NDRG4: variants seen among roughly 807,000 people sequenced by gnomAD.
The protein encoded by NDRG4 is NDRG family member 4.
Under a neutral mutation model 55.8 loss-of-function variants are expected in NDRG4, and 38 were observed. The ratio of observed to expected loss-of-function variants is 0.68; its 90% CI spans 0.53 to 0.89. The LOEUF (loss-of-function observed/expected upper bound fraction) is 0.89, where lower values mean the gene tolerates loss of function less well. NDRG4 is among the 40% of genes least tolerant of loss of function. NDRG4 has a pLI of 0.00. For synonymous variants in NDRG4, 190 were observed against 182.7 expected (o/e 1.04, Z -0.32); for missense variants, 455 against 468.6 (o/e 0.97, Z 0.27).
chr16:58,506,204 T>A, intron 5 of NDRG4, 183 bp from the exon 6 acceptor site: 4 of 661,406 alleles, frequency 6.0e-6, no homozygotes, highest in Non-Finnish European at 8.3e-6. Flanking sequence ...TCTAAATAAA[T>A]CCAAGAACTG....
chr16:58,469,821 C>T (rs1462867655), intron 1 of NDRG4, among the ~76,000 whole-genome samples: 3 of 152,150 alleles, frequency 2.0e-5, no homozygotes, highest in African/African-American at 7.2e-5. Context: ...CATAACAGCC[C>T]TAGGAGGTAT....
At chr16:58,494,599 C>T (rs1306322753) in intron 2 of NDRG4, among the ~76,000 whole-genome samples, 1 of 152,198 alleles carries the variant, frequency 6.6e-6, no homozygotes, top group African/African-American at 2.4e-5. Context: ...GACGCTCACA[C>T]GCTCCTCCAC....
chr16:58,499,249 C>G (rs565989123), upstream of NDRG4: 7 of 152,346 alleles, frequency 4.6e-5, no homozygotes, highest in Non-Finnish European at 8.8e-5. Flanking sequence ...GAGCCAAGCC[C>G]CAAACTGGTT....
intron 1 of NDRG4, among the ~76,000 whole-genome samples, chr16:58,482,993 C>A (rs1274806510): frequency 6.6e-6 from 1 of 152,058 alleles, no homozygotes; most frequent in Non-Finnish European, 1.5e-5. Context: ...GCCATGTTGG[C>A]CAGGCTGGTC....
At chr16:58,500,509 T>A in intron 1 of NDRG4, 3 of 289,244 alleles carry the variant, frequency 1.0e-5, no homozygotes, top group Admixed American at 5.1e-5. Flanking sequence ...GGGGGGAGCG[T>A]GTGGTTGGGG....
intron 1 of NDRG4, among the ~76,000 whole-genome samples, chr16:58,469,765 T>G (rs984901663): frequency 2.0e-5 from 3 of 152,218 alleles, no homozygotes; most frequent in African/African-American, 4.8e-5. Context: ...GCATTTGCTG[T>G]GCGCCAGACA....
At position 58,504,260 on chromosome 16, in the gene NDRG4, G is replaced by A. The variant is rs374032396; in HGVS notation, c.234G>A (p.Ser78=). Residue 78 remains serine (S), a synonymous_variant, in exon 3 of 15, where the codon TCG becomes TCA. Coordinates refer to ENST00000570248, the MANE Select transcript of NDRG4 (RefSeq NM_001242835.2). ...CCCCTGGACAACAGGTGGGGGCGTCGCAGTTTCCTCAGGGGTAGGTACCCT... is the reference window on the plus strand; with the variant it reads ...CCCCTGGACAACAGGTGGGGGCGTCACAGTTTCCTCAGGGGTAGGTACCCT... ...VDAPGQQVGA[S]QFPQGYQFPS... The A allele has an allele frequency of 8.1e-5, 131 of 1,614,120 alleles. No individual in the cohort carries two copies. Among genetic ancestry groups the A allele is most frequent in the South Asian group, 2.3e-4 (21 of 91,084 alleles).
rs1241172339 is a variant in NDRG4 at position 58,464,280 on chromosome 16, G to C, written c.-24+483G>C. On this transcript the variant is annotated intron_variant, in intron 1 of 15. Transcript: ENST00000258187. This position sits in a 1 kb window ranked among gnomAD's most constrained non-coding sequence, Gnocchi z 4.8. Reference sequence around the variant, plus strand: ...AGGGGGGAGCGCGGCGTTGGGGGCGGGAGAGCGCTCCTGGCTGTGAGCTGC... The same window carrying C: ...AGGGGGGAGCGCGGCGTTGGGGGCGCGAGAGCGCTCCTGGCTGTGAGCTGC... 13 of 543,442 alleles carry C rather than the reference G, an allele frequency of 2.4e-5. No individual in the cohort carries two copies. The highest frequency in any genetic ancestry group is 3.4e-5 in the Non-Finnish European group (12 of 350,144). 33.7% of individuals were successfully genotyped at this position (543,442 alleles called of 1,614,324 possible).
At position 58,511,494 on chromosome 16, in the gene NDRG4, G is replaced by T. The variant is rs750154800; in HGVS notation, c.977G>T (p.Gly326Val). 1.9e-6 allele frequency: 3 copies of T among 1,612,906 alleles called. No individual in the cohort carries two copies. Among genetic ancestry groups the T allele is most frequent in the Non-Finnish European group, 2.5e-6 (3 of 1,179,938 alleles). The change falls in exon 15 of 15, where the codon GGC (glycine) becomes GTC (valine). Residue 326 changes from glycine to valine, a missense_variant. Transcript: ENST00000570248. ...ASLTSASSVDGSRPQACTHSE... is the reference protein window; with the variant it reads ...ASLTSASSVDVSRPQACTHSE... Reference sequence around the variant, plus strand: ...CTCACCAGTGCCAGCTCGGTGGATGGCAGCCGCCCACAGGCCTGCACCCAC... The same window carrying T: ...CTCACCAGTGCCAGCTCGGTGGATGTCAGCCGCCCACAGGCCTGCACCCAC...
rs369106170 is a variant in NDRG4, at chr16:58,504,420, G to A, written c.310G>A (p.Gly104Arg). Residue 104 changes from glycine to arginine, a missense_variant and splice_region_variant, in exon 4 of 15, where the codon GGG becomes AGG. Gly to Arg is a moderately radical substitution (Grantham distance 125). Coordinates refer to ENST00000570248, the MANE Select transcript of NDRG4 (RefSeq NM_001242835.2). ...AMLPSVVQHF[G>R]FKYVIGIGVG... Reference sequence around the variant, plus strand: ...GCTCCCCAGCGTGGTGCAGCATTTCGGGTGAGTCCCCGCACAGCCCCTGCG... The same window carrying A: ...GCTCCCCAGCGTGGTGCAGCATTTCAGGTGAGTCCCCGCACAGCCCCTGCG... 29 of 1,612,158 alleles carry A rather than the reference G, an allele frequency of 1.8e-5. No individual in the cohort carries two copies. The highest frequency in any genetic ancestry group is 1.6e-4 in the Middle Eastern group (1 of 6,084).
intron 1 of NDRG4, among the ~76,000 whole-genome samples, chr16:58,469,014 G>A (rs573814670): frequency 6.6e-6 from 1 of 152,324 alleles, no homozygotes; most frequent in East Asian, 1.9e-4. Flanking sequence ...AGCCTCAGTA[G>A]TGGATCTTGG....
In NDRG4 at chr16:58,504,345, T is replaced by C; in HGVS notation, c.249-14T>C. The stretch of plus-strand genomic sequence containing the variant: ...AGGCCACACCTGGGCCCTGACCTCC[T>C]GCTCTGCCTGCAGGTACCAGTTCCC... On this transcript the variant is annotated splice_polypyrimidine_tract_variant and intron_variant, in intron 3 of 14. Transcript: ENST00000570248. The C allele has an allele frequency of 6.2e-7, 1 of 1,613,798 alleles. No homozygotes were observed.
At chr16:58,467,322 C>T (rs1056093780) in intron 1 of NDRG4, among the ~76,000 whole-genome samples, 4 of 152,184 alleles carry the variant, frequency 2.6e-5, no homozygotes, top group Admixed American at 6.5e-5. Context: ...GCCTGGCCAA[C>T]GTGGTGAAAC....
intron 8 of NDRG4, chr16:58,507,384 C>A: frequency 2.7e-6 from 1 of 373,842 alleles, no homozygotes; most frequent in Non-Finnish European, 4.9e-6. Context: ...TTGGAGCCCC[C>A]TTTAGGGGCT....
At chr16:58,508,625 G>A (rs2038364961) in intron 10 of NDRG4, among the ~76,000 whole-genome samples, 1 of 152,170 alleles carries the variant, frequency 6.6e-6, no homozygotes, top group Admixed American at 6.5e-5. Context: ...GTCTCTCTCA[G>A]ACCCTCGGCA....
intron 1 of NDRG4, among the ~76,000 whole-genome samples, chr16:58,485,705 T>C (rs1260064762): frequency 6.6e-6 from 1 of 152,100 alleles, no homozygotes; most frequent in Non-Finnish European, 1.5e-5. Context: ...CCATCTGCAT[T>C]GTGTTAGCTG....
intron 2 of NDRG4, among the ~76,000 whole-genome samples, chr16:58,492,595 G>T (rs1050198661): frequency 6.6e-6 from 1 of 150,652 alleles, no homozygotes; most frequent in African/African-American, 2.4e-5. Flanking sequence ...AGTCTGGAGT[G>T]TAGTGCCACA....
chr16:58,464,381 C>A lies in NDRG4; in HGVS notation c.-24+584C>A. ...CGCTCCTCTCCCCGGCTCGGCCGAG[C>A]GCGCTGCCCCGACGCCGCCACCCAG... is the stretch of plus-strand genomic sequence containing the variant. On this transcript the variant is annotated intron_variant, in intron 1 of 15. Transcript: ENST00000258187. This position sits in a 1 kb window ranked among gnomAD's most constrained non-coding sequence, Gnocchi z 4.8. The A allele has an allele frequency of 7.3e-7, 1 of 1,362,278 alleles. No homozygotes were observed. The highest frequency in any genetic ancestry group is 9.4e-7 in the Non-Finnish European group (1 of 1,061,498). 84.4% of individuals were successfully genotyped at this position (1,362,278 alleles called of 1,614,324 possible).
Position 58,507,016 on chromosome 16 carries a change from G to C in NDRG4, c.620+1G>C. The C allele has an allele frequency of 6.2e-7, 1 of 1,611,906 alleles. No individual in the cohort carries two copies. On this transcript the variant is annotated splice_donor_variant, in intron 8 of 14. Transcript: ENST00000570248. LOFTEE classifies it high-confidence loss of function. ...AGCTCTTCTGGAACATGTACAACAG[G>C]TGCGGGTGGGATCAGCAGCCCTGGG...
Sources: allele counts gnomAD v4.1 joint callset (sites outside exome capture counted in the v4.1 genomes callset), GRCh38; gene constraint gnomAD v4.1.1; non-coding constraint Gnocchi (gnomAD v3.1); transcripts MANE v1.5; gene names NCBI Gene and HGNC (gene_info 2026-07-23, HGNC 2026-07-21).